Variants in VPS13D observed in about 807,000 individuals in gnomAD.
The protein encoded by VPS13D is vacuolar protein sorting 13 homolog D.
In VPS13D, 187 loss-of-function variants were observed where a neutral mutation model predicts 461.9. The observed-to-expected ratio is 0.40, with a 90% CI of 0.36 to 0.46. The LOEUF (loss-of-function observed/expected upper bound fraction) is 0.46, where lower values mean the gene tolerates loss of function less well. Ranked by LOEUF, VPS13D falls within the 20% of genes least tolerant of loss-of-function variation. The pLI is 0.60. For missense variants in VPS13D, 4,711 were observed against 5,364.9 expected, an observed-to-expected ratio of 0.88 and a Z score of 3.81; for synonymous variants, 1,951 against 1,986.3, an observed-to-expected ratio of 0.98 and a Z score of 0.47.
chr1:12,462,799 T>C (rs970528766), intron 67 of VPS13D, among the ~76,000 whole-genome samples: 8 of 152,216 alleles, frequency 5.3e-5, no homozygotes, highest in African/African-American at 1.7e-4. Context: ...ACACTGCATT[T>C]TTGTCTGTCT....
chr1:12,288,563 C>T (rs1642038837), intron 22 of VPS13D, among the ~76,000 whole-genome samples: 1 of 151,538 alleles, frequency 6.6e-6, no homozygotes, highest in African/African-American at 2.4e-5. Context: ...TCATCTCCTT[C>T]CCAAGAATCT....
At chr1:12,416,880 A>G in intron 65 of VPS13D, 53 bp downstream of exon 65, 1 of 1,507,130 alleles carries the variant, frequency 6.6e-7, no homozygotes, top group Non-Finnish European at 8.9e-7. Context: ...AGTCCTCTAC[A>G]GTACTACAAT....
At chr1:12,315,678 C>T (rs1161133188) in intron 30 of VPS13D, among the ~76,000 whole-genome samples, 1 of 152,202 alleles carries the variant, frequency 6.6e-6, no homozygotes, top group East Asian at 1.9e-4. Flanking sequence ...ATGTTTCCAA[C>T]AGTCTTTGGA....
intron 41 of VPS13D, among the ~76,000 whole-genome samples, chr1:12,342,148 G>T (rs1643583449): frequency 6.6e-6 from 1 of 152,132 alleles, no homozygotes; most frequent in Non-Finnish European, 1.5e-5. Flanking sequence ...ATGTGAGCAG[G>T]AAGTATGAAA....
Position 12,275,932 on chromosome 1 carries a change from G to A in VPS13D, c.2344G>A (p.Glu782Lys). 7.4e-6 allele frequency: 12 copies of A among 1,613,866 alleles called. No individual in the cohort carries two copies. Among genetic ancestry groups the A allele is most frequent in the Non-Finnish European group, 1.0e-5 (12 of 1,179,980 alleles). Residue 782 changes from glutamate (E) to lysine (K), a missense_variant, in exon 19 of 70, where the codon GAG (glutamate) becomes AAG (lysine). Physicochemically the swap from Glu to Lys is moderately conservative, Grantham distance 56. Coordinates refer to ENST00000620676, the MANE Select transcript of VPS13D (RefSeq NM_015378.4). ...LATPPNTPPP[E>K]SSSSNGEKTP... ...CACACCTCCTAACACCCCACCTCCC[G>A]AGTCAAGCAGCAGCAACGGAGAGAA... is the stretch of plus-strand genomic sequence containing the variant.
At position 12,392,206 on chromosome 1, in the gene VPS13D, C is replaced by T. The variant is rs530180579; in HGVS notation, c.11634+5872C>T. Reference sequence around the variant, plus strand: ...TTGCCATAAATGACTATATTAAGATCCTTGGCTGGGCCCGGTGGCTCACAC... The same window carrying T: ...TTGCCATAAATGACTATATTAAGATTCTTGGCTGGGCCCGGTGGCTCACAC... On this transcript the variant is annotated intron_variant, in intron 60 of 69. Coordinates refer to ENST00000620676, the MANE Select transcript of VPS13D (RefSeq NM_015378.4). Among the ~76,000 whole-genome samples, 4 of 152,102 alleles carry T rather than the reference C, an allele frequency of 2.6e-5. No homozygotes were observed. In the East Asian group the frequency reaches 7.8e-4, roughly 30 times the overall value.
At chr1:12,309,430 C>G (rs547483196) in intron 27 of VPS13D, among the ~76,000 whole-genome samples, 2 of 151,048 alleles carry the variant, frequency 1.3e-5, no homozygotes, top group African/African-American at 4.9e-5. Context: ...AGGATGGTCT[C>G]GATCTCTTGA....
chr1:12,418,183 C>T (rs898625971), intron 65 of VPS13D, among the ~76,000 whole-genome samples: 13 of 152,200 alleles, frequency 8.5e-5, no homozygotes, highest in Non-Finnish European at 7.3e-5. Flanking sequence ...GCTGGGATTA[C>T]AGGTGTGAGC....
At chr1:12,406,140 G>C (rs1211190624) in intron 63 of VPS13D, among the ~76,000 whole-genome samples, 1 of 152,186 alleles carries the variant, frequency 6.6e-6, no homozygotes, top group South Asian at 2.1e-4. Flanking sequence ...GCCGAGTGTA[G>C]TAAGTTAATG....
chr1:12,316,624 C>T (rs1045785055), intron 30 of VPS13D, among the ~76,000 whole-genome samples: 1 of 152,168 alleles, frequency 6.6e-6, no homozygotes, highest in Non-Finnish European at 1.5e-5. Flanking sequence ...TGCCCTTTTA[C>T]TAGAGGCAGT....
intron 1 of VPS13D, 64 bp downstream of exon 1, chr1:12,230,184 C>A (rs1460301763): frequency 6.6e-6 from 1 of 152,196 alleles, no homozygotes; most frequent in Non-Finnish European, 1.5e-5. Flanking sequence ...CCGGCGCGGA[C>A]CCGCGGGCCG....
intron 60 of VPS13D, among the ~76,000 whole-genome samples, chr1:12,397,114 A>G (rs1644510453): frequency 6.6e-6 from 1 of 152,032 alleles, no homozygotes. Context: ...CGTAGTTTTT[A>G]GTAGAGATGG....
intron 25 of VPS13D, among the ~76,000 whole-genome samples, chr1:12,300,795 A>G (rs1029075088): frequency 3.9e-5 from 6 of 152,076 alleles, no homozygotes; most frequent in Non-Finnish European, 7.4e-5. Flanking sequence ...CCCTTCATCC[A>G]TTTTTGCATT....
In VPS13D at chr1:12,327,595, C is replaced by G. The variant is rs768258499; in HGVS notation, c.7991-53C>G. The stretch of plus-strand genomic sequence containing the variant: ...ATTTCTCTGTTTCCTCTGTGAGTGG[C>G]TAGGGTAGCTGTGGAAGCTGGTAGA... On this transcript the variant is annotated intron_variant, in intron 35 of 69. Coordinates refer to ENST00000620676, the MANE Select transcript of VPS13D (RefSeq NM_015378.4). 1.1e-4 allele frequency: 172 copies of G among 1,578,998 alleles called. No individual in the cohort carries two copies. In the Middle Eastern group the frequency reaches 1.7e-3, roughly 15 times the overall value.
intron 59 of VPS13D, 56 bp from the exon 60 acceptor site, chr1:12,386,129 G>C: frequency 6.4e-7 from 1 of 1,555,138 alleles, no homozygotes; most frequent in Admixed American, 2.0e-5. Flanking sequence ...TACTCTCCTG[G>C]ATACTGTGAG....
At position 12,319,507 on chromosome 1, in the gene VPS13D, T is replaced by C; in HGVS notation, c.7425T>C (p.Phe2475=). The C allele has an allele frequency of 6.2e-7, 1 of 1,614,140 alleles. No homozygotes were observed. Among genetic ancestry groups the C allele is most frequent in the African/African-American group, 1.3e-5 (1 of 75,048 alleles). Residue 2475 remains phenylalanine (F), a synonymous_variant, in exon 32 of 70, where the codon TTT becomes TTC. Transcript: ENST00000620676. ...CGTTGTCCTTTCCAGGTACGGAGTT[T>C]GTGGTCATTGAAGATGTGTCCTGCT... is the stretch of plus-strand genomic sequence containing the variant. The part of the protein sequence containing the change: ...EVKVNVTGTE[F]VVIEDVSCFD...
intron 24 of VPS13D, among the ~76,000 whole-genome samples, chr1:12,296,311 A>C (rs908526756): frequency 1.7e-4 from 26 of 152,234 alleles, no homozygotes; most frequent in African/African-American, 5.8e-4. Context: ...CTTTTAATTC[A>C]TATCTTTGCC....
At chr1:12,273,228 T>C in intron 18 of VPS13D, 93 bp downstream of exon 18, 4 of 1,418,302 alleles carry the variant, frequency 2.8e-6, no homozygotes, top group Admixed American at 2.5e-5. Context: ...AATGTTTATG[T>C]AACATTTTTA....
chr1:12,485,664 T>TG lies in VPS13D; in HGVS notation c.12663-11829dup, dbSNP rs1003213715. 8.5e-5 allele frequency among the ~76,000 whole-genome samples: 13 copies of TG among 152,182 alleles called. No individual in the cohort carries two copies. In the East Asian group the frequency reaches 9.6e-4, roughly 11 times the overall value. The stretch of plus-strand genomic sequence containing the variant: ...AGATTGTAATTTTTAAAAAGGTTGT[T>TG]GGGGGGGTGGGCCCGCAGGGGATCT... On this transcript the variant is annotated intron_variant, in intron 67 of 69. Coordinates refer to ENST00000620676, the MANE Select transcript of VPS13D (RefSeq NM_015378.4).
Sources: allele counts gnomAD v4.1 joint callset (sites outside exome capture counted in the v4.1 genomes callset), GRCh38; gene constraint gnomAD v4.1.1; transcripts MANE v1.5; gene names NCBI Gene and HGNC (gene_info 2026-07-23, HGNC 2026-07-21).